SESTD1: variants seen among roughly 807,000 people sequenced by gnomAD.
SESTD1 encodes SEC14 and spectrin domain containing 1, also known as SEC14 domain and spectrin repeat-containing protein 1.
In SESTD1, 43 loss-of-function variants were observed where a neutral mutation model predicts 101.7. The observed-to-expected ratio is 0.42, with a 90% CI of 0.33 to 0.55. SESTD1 has a LOEUF of 0.55. SESTD1 is among the 20% of genes least tolerant of loss of function. The pLI is 0.07. For synonymous variants in SESTD1, 283 were observed against 286.8 expected, an observed-to-expected ratio of 0.99 and a Z score of 0.13; for missense variants, 647 against 815.1, an observed-to-expected ratio of 0.79 and a Z score of 2.51.
chr2:179,162,635 T>C (rs556032394), intron 5 of SESTD1: 1 of 152,258 alleles, frequency 6.6e-6, no homozygotes, highest in South Asian at 2.1e-4. Flanking sequence ...CTCTATAGAC[T>C]GATCAGTAGG....
At chr2:179,122,510 T>C (rs2044775731) in intron 12 of SESTD1, among the ~76,000 whole-genome samples, 2 of 152,180 alleles carry the variant, frequency 1.3e-5, no homozygotes, top group South Asian at 2.1e-4. Flanking sequence ...AAACAAAGAC[T>C]GTGGCTCAAG....
rs1191174175 is a variant in SESTD1, at chr2:179,104,023, A to G, written c.*5876T>C. On this transcript the variant is annotated 3_prime_UTR_variant, in exon 18 of 18. Coordinates refer to ENST00000428443, the MANE Select transcript of SESTD1 (RefSeq NM_178123.5). ...ATCTAGGTAGTGAGTACACTATAAA[A>G]TTATTTTAACTTTTTAATGTATTTG... 3 of 152,200 alleles carry G rather than the reference A, an allele frequency of 2.0e-5. No individual in the cohort carries two copies. The highest frequency in any genetic ancestry group is 4.4e-5 in the Non-Finnish European group (3 of 68,020). The allele number at this position is 152,200 out of a possible 1,614,324, so 9.4% of individuals were successfully genotyped here.
intron 4 of SESTD1, among the ~76,000 whole-genome samples, chr2:179,173,642 T>A (rs1400116127): frequency 1.3e-5 from 2 of 152,208 alleles, no homozygotes; most frequent in Non-Finnish European, 2.9e-5. Context: ...CACCTCTGTC[T>A]GACTCTAAAG....
chr2:179,117,489 T>A, intron 14 of SESTD1, 43 bp downstream of exon 14: 1 of 1,494,742 alleles, frequency 6.7e-7, no homozygotes, highest in Non-Finnish European at 9.0e-7. Context: ...AAATCAATCT[T>A]CTAAGAAAAG....
In SESTD1 at chr2:179,121,881, T is replaced by C. The variant is rs376520147; in HGVS notation, c.1331A>G (p.Gln444Arg). The C allele has an allele frequency of 6.2e-7, 1 of 1,609,062 alleles. No homozygotes were observed. Among genetic ancestry groups the C allele is most frequent in the Non-Finnish European group, 8.5e-7 (1 of 1,177,940 alleles). Reference sequence around the variant, plus strand: ...GGCCCAGGATGCCTGATTGGAGATCTGATCCAGGAGACCTTGACCTTTTTC... The same window carrying C: ...GGCCCAGGATGCCTGATTGGAGATCCGATCCAGGAGACCTTGACCTTTTTC... ...LREKGQGLLD[Q>R]ISNQASWAYG... The change falls in exon 13 of 18, where the codon CAG becomes CGG. Residue 444 changes from glutamine (Q) to arginine (R), a missense_variant. By Grantham distance (43) the Gln-to-Arg change is conservative. Around this residue, in one of 3 missense-constraint regions of SESTD1, gnomAD observed 476 missense variants for 562.6 expected, o/e 0.85. Coordinates refer to ENST00000428443, the MANE Select transcript of SESTD1 (RefSeq NM_178123.5).
At chr2:179,119,655 G>A (rs1382546219) in intron 13 of SESTD1, among the ~76,000 whole-genome samples, 3 of 152,170 alleles carry the variant, frequency 2.0e-5, no homozygotes, top group Non-Finnish European at 4.4e-5. Context: ...GCGTGAGAAT[G>A]GACTAATAAA....
At chr2:179,247,441 G>C (rs536920279) in intron 1 of SESTD1, among the ~76,000 whole-genome samples, 1 of 152,098 alleles carries the variant, frequency 6.6e-6, no homozygotes, top group Non-Finnish European at 1.5e-5. Context: ...TGTTTTAAGA[G>C]ACAGGGTCTT....
intron 6 of SESTD1, among the ~76,000 whole-genome samples, chr2:179,150,910 T>C (rs1334929885): frequency 1.3e-5 from 2 of 152,236 alleles, no homozygotes; most frequent in Non-Finnish European, 2.9e-5. Flanking sequence ...CAGTAATAGC[T>C]AAAACTTATA....
chr2:179,138,065 G>A (rs1053612463), intron 9 of SESTD1, among the ~76,000 whole-genome samples: 5 of 152,178 alleles, frequency 3.3e-5, no homozygotes, highest in African/African-American at 1.2e-4. Flanking sequence ...AACATTATAT[G>A]CTGAATATTA....
chr2:179,183,649 T>C lies in SESTD1; in HGVS notation c.56-461A>G, dbSNP rs548013803. On this transcript the variant is annotated intron_variant, in intron 2 of 17. Coordinates refer to ENST00000428443, the MANE Select transcript of SESTD1 (RefSeq NM_178123.5). ...GAAAATGATTAAGAGCTGCAGTAAA[T>C]GTGAAAAGTTTCACTGAAAAGTTAA... Among the ~76,000 whole-genome samples, 6 of 152,104 alleles carry C rather than the reference T, an allele frequency of 3.9e-5. No homozygotes were observed. The East Asian group carries it at 1.2e-3, about 29-fold the overall frequency.
chr2:179,146,822 G>A (rs995602096), intron 7 of SESTD1, among the ~76,000 whole-genome samples: 9 of 151,984 alleles, frequency 5.9e-5, no homozygotes, highest in Admixed American at 3.3e-4. Flanking sequence ...ATTAAAAAAT[G>A]CATGCAGCCA....
intron 5 of SESTD1, among the ~76,000 whole-genome samples, chr2:179,171,127 A>C (rs770091909): frequency 1.3e-5 from 2 of 152,120 alleles, no homozygotes; most frequent in Non-Finnish European, 2.9e-5. Flanking sequence ...GGGTGAGGAG[A>C]CACTTCCTGA....
intron 1 of SESTD1, among the ~76,000 whole-genome samples, chr2:179,228,946 T>C (rs568034502): frequency 6.6e-6 from 1 of 152,166 alleles, no homozygotes; most frequent in Admixed American, 6.5e-5. Context: ...ACAGAAAGCC[T>C]AAAATTAAAC....
intron 1 of SESTD1, among the ~76,000 whole-genome samples, chr2:179,246,677 T>C (rs77956380): frequency 6.6e-6 from 1 of 152,114 alleles, no homozygotes; most frequent in Non-Finnish European, 1.5e-5. Flanking sequence ...CAGACTAAGA[T>C]AGATCAAACC....
At chr2:179,125,867 C>T (rs952701484) in intron 10 of SESTD1, among the ~76,000 whole-genome samples, 5 of 152,162 alleles carry the variant, frequency 3.3e-5, no homozygotes, top group African/African-American at 9.7e-5. Context: ...CCCAACCCTC[C>T]GTTCTTCTAC....
chr2:179,250,407 A>G (rs1461168725), intron 1 of SESTD1, among the ~76,000 whole-genome samples: 2 of 152,242 alleles, frequency 1.3e-5, no homozygotes, highest in Non-Finnish European at 2.9e-5. Context: ...TCATTGTATT[A>G]TTCTCCTAGA....
intron 1 of SESTD1, among the ~76,000 whole-genome samples, chr2:179,232,716 A>G (rs2047004594): frequency 6.6e-6 from 1 of 152,198 alleles, no homozygotes; most frequent in South Asian, 2.1e-4. Context: ...TATCATTATA[A>G]AATATAGATA....
At chr2:179,113,780 C>G (rs942445609) in intron 16 of SESTD1, among the ~76,000 whole-genome samples, 4 of 151,184 alleles carry the variant, frequency 2.6e-5, no homozygotes, top group African/African-American at 9.7e-5. Flanking sequence ...TAGGTTTGTA[C>G]AACAAGCTCC....
chr2:179,112,484 C>G (rs1224218754), intron 17 of SESTD1, among the ~76,000 whole-genome samples: 2 of 152,226 alleles, frequency 1.3e-5, no homozygotes, highest in Non-Finnish European at 2.9e-5. Flanking sequence ...GTGTCTTAAT[C>G]TAGTCAATGA....
Sources: allele counts gnomAD v4.1 joint callset (sites outside exome capture counted in the v4.1 genomes callset), GRCh38; gene constraint gnomAD v4.1.1; regional missense constraint gnomAD v4.1.1; transcripts MANE v1.5; gene names NCBI Gene and HGNC (gene_info 2026-07-23, HGNC 2026-07-21).